The following GPC6 variants were observed in gnomAD, a reference collection of about 807,000 sequenced individuals.
The protein encoded by GPC6 is glypican-6.
In GPC6, 14 loss-of-function variants were observed where a neutral mutation model predicts 55.2. That is an observed-to-expected ratio of 0.25 (90% confidence interval 0.17 to 0.40). The LOEUF is 0.40. Among genes scored for constraint, GPC6 ranks in the 10% least tolerant of loss-of-function variants. The pLI is 1.00. For synonymous variants in GPC6, 278 were observed against 259.6 expected (o/e 1.07, Z -0.68); for missense variants, 641 against 708.5 (o/e 0.90, Z 1.08).
Position 94,286,409 on chromosome 13 carries a change from A to T in GPC6, c.938A>T (p.Asp313Val). The T allele has an allele frequency of 6.2e-7, 1 of 1,613,612 alleles. No homozygotes were observed. Among genetic ancestry groups the T allele is most frequent in the Non-Finnish European group, 8.5e-7 (1 of 1,179,626 alleles). The change falls in exon 5 of 9, where the codon GAC (aspartate) becomes GTC (valine). Residue 313 changes from aspartate to valine, a missense_variant. By Grantham distance (152) the Asp-to-Val change is radical. Coordinates refer to ENST00000377047, the MANE Select transcript of GPC6 (RefSeq NM_005708.5). ...CCATTCAACATTGAGTCGGTCATGG[A>T]CCCGATAGATGTCAAGATTTCTGAA... is the stretch of plus-strand genomic sequence containing the variant. ...EGPFNIESVM[D>V]PIDVKISEAI...
intron 4 of GPC6, among the ~76,000 whole-genome samples, chr13:94,233,510 C>T (rs1455259582): frequency 6.6e-6 from 1 of 152,132 alleles, no homozygotes; most frequent in Non-Finnish European, 1.5e-5. Context: ...ATAAACAATG[C>T]ATACGTTTTA....
At chr13:93,303,159 C>T (rs898755442) in intron 1 of GPC6, among the ~76,000 whole-genome samples, 1 of 152,120 alleles carries the variant, frequency 6.6e-6, no homozygotes, top group African/African-American at 2.4e-5. Flanking sequence ...TCAATGGAGC[C>T]CCAGAACCAC....
At chr13:93,994,565 G>A (rs991237757) in intron 3 of GPC6, among the ~76,000 whole-genome samples, 1 of 152,054 alleles carries the variant, frequency 6.6e-6, no homozygotes, top group Non-Finnish European at 1.5e-5. Flanking sequence ...TTTCTTTAAG[G>A]CAGAGGAGAT....
chr13:93,498,751 A>G (rs192516089), intron 1 of GPC6, among the ~76,000 whole-genome samples: 43 of 152,338 alleles, frequency 2.8e-4, no homozygotes, highest in Non-Finnish European at 5.1e-4. Flanking sequence ...TATCAGCAGC[A>G]TTAAAATGAA....
intron 4 of GPC6, among the ~76,000 whole-genome samples, chr13:94,105,256 G>A (rs1247803189): frequency 6.6e-6 from 1 of 152,152 alleles, no homozygotes; most frequent in Admixed American, 6.6e-5. Context: ...CAACTCAGGA[G>A]TCTGAGATGG....
chr13:93,633,593 G>T (rs1428792084), intron 2 of GPC6, among the ~76,000 whole-genome samples: 1 of 151,752 alleles, frequency 6.6e-6, no homozygotes, highest in Non-Finnish European at 1.5e-5. Flanking sequence ...CCGAGATGGC[G>T]CCACTGTACT....
chr13:94,195,354 G>T (rs1889537868), intron 4 of GPC6, among the ~76,000 whole-genome samples: 1 of 152,074 alleles, frequency 6.6e-6, no homozygotes, highest in Admixed American at 6.5e-5. Flanking sequence ...TGGATTATAA[G>T]AATACTTCAG....
intron 2 of GPC6, among the ~76,000 whole-genome samples, chr13:93,670,764 G>A (rs890823834): frequency 7.2e-5 from 11 of 152,144 alleles, no homozygotes; most frequent in South Asian, 2.1e-4. Context: ...ATAGCTCATC[G>A]TACAGGTCAC....
intron 2 of GPC6, among the ~76,000 whole-genome samples, chr13:93,665,812 G>C (rs1594354643): frequency 6.6e-6 from 1 of 152,114 alleles, no homozygotes; most frequent in Admixed American, 6.5e-5. Flanking sequence ...AGAAACAAAA[G>C]AGTGAAGTTA....
At chr13:93,604,698 A>G (rs1051457118) in intron 2 of GPC6, among the ~76,000 whole-genome samples, 1 of 152,160 alleles carries the variant, frequency 6.6e-6, no homozygotes, top group Non-Finnish European at 1.5e-5. Context: ...GAAAATAAAA[A>G]CACTGAAAGA....
chr13:94,233,857 G>GA (rs1289067803), intron 4 of GPC6, among the ~76,000 whole-genome samples: 1 of 152,008 alleles, frequency 6.6e-6, no homozygotes, highest in Non-Finnish European at 1.5e-5. Context: ...TATATGTACA[G>GA]AAAAAAACAT....
chr13:93,278,709 A>C (rs1013664974), intron 1 of GPC6, among the ~76,000 whole-genome samples: 1 of 152,214 alleles, frequency 6.6e-6, no homozygotes, highest in Non-Finnish European at 1.5e-5. Flanking sequence ...AATATTTTAT[A>C]TAATTTGTAA....
intron 2 of GPC6, among the ~76,000 whole-genome samples, chr13:93,653,044 C>G (rs1365074523): frequency 6.6e-6 from 1 of 152,136 alleles, no homozygotes; most frequent in East Asian, 1.9e-4. Context: ...CACATGTATA[C>G]TACATATTGT....
chr13:93,922,406 A>T (rs77208067), intron 3 of GPC6, among the ~76,000 whole-genome samples: 2,660 of 152,324 alleles, frequency 0.017, 41 homozygotes, highest in Middle Eastern at 0.034. Context: ...AGATTATGTA[A>T]GAAAAGGACA....
chr13:94,035,725 T>G (rs1211885929), intron 4 of GPC6, among the ~76,000 whole-genome samples: 1 of 152,114 alleles, frequency 6.6e-6, no homozygotes, highest in Non-Finnish European at 1.5e-5. Context: ...TATTAAAATA[T>G]TTTAATCATG....
In GPC6 at chr13:93,879,511, A is replaced by G. The variant is rs1168389649; in HGVS notation, c.711+48966A>G. On this transcript the variant is annotated intron_variant, in intron 3 of 8. Transcript: ENST00000377047. ...GGTGCTGGGAAAATTGGCTAGCCAT[A>G]TGTAGAAAGCTGAAACTGGATCCCT... Among the ~76,000 whole-genome samples, 16 of 152,102 alleles carry G rather than the reference A, an allele frequency of 1.1e-4. 1 individual carries two copies. The South Asian group carries it at 3.1e-3, about 30-fold the overall frequency.
At chr13:94,252,447 G>A (rs1296695171) in intron 4 of GPC6, among the ~76,000 whole-genome samples, 2 of 152,058 alleles carry the variant, frequency 1.3e-5, no homozygotes, top group Admixed American at 1.3e-4. Flanking sequence ...AATAAAAGGG[G>A]ATTTTTATTA....
chr13:94,331,203 C>T (rs112351727), intron 6 of GPC6, among the ~76,000 whole-genome samples: 1 of 152,182 alleles, frequency 6.6e-6, no homozygotes, highest in Non-Finnish European at 1.5e-5. Flanking sequence ...GGCCGAGCCA[C>T]CTATTTTAAT....
intron 3 of GPC6, among the ~76,000 whole-genome samples, chr13:93,944,038 G>A (rs113423207): frequency 0.016 from 2,494 of 152,212 alleles, 87 homozygotes; most frequent in African/African-American, 0.057. Context: ...ACCTGCTAGC[G>A]CTACATGCTT....
Sources: gnomAD v4.1 joint callset for allele counts (sites outside exome capture counted in the v4.1 genomes callset) on GRCh38, gnomAD v4.1.1 for gene constraint, MANE v1.5 for transcripts, NCBI Gene and HGNC (gene_info 2026-07-23, HGNC 2026-07-21) for gene names.